The following ATRX variants were observed in gnomAD, a reference collection of about 807,000 sequenced individuals.
The protein encoded by ATRX is chromatin remodeler ATRX.
ATRX carries 12 observed loss-of-function variants against 172.6 expected under a neutral mutation model. That is an observed-to-expected ratio of 0.07 (90% CI 0.04 to 0.11). The LOEUF is 0.11. Among genes scored for constraint, ATRX ranks in the 10% least tolerant of loss-of-function variants. ATRX has a pLI of 1.00. For synonymous variants in ATRX, 674 were observed against 594.7 expected (o/e 1.13, Z -1.94); for missense variants, 1,368 against 1,767.4 (o/e 0.77, Z 4.05).
intron 9 of ATRX, among the ~76,000 whole-genome samples, chrX:77,678,244 CAGAG>C (rs1189779799): frequency 2.4e-5 from 2 of 84,189 alleles, no homozygotes; most frequent in Admixed American, 1.4e-4. Flanking sequence ...AAGAGACAGA[CAGAG>C]AGAGAGAAGA....
At chrX:77,713,953 G>C (rs2073238341) in intron 2 of ATRX, among the ~76,000 whole-genome samples, 1 of 111,549 alleles carries the variant, frequency 9.0e-6, no homozygotes, top group Non-Finnish European at 1.9e-5. Flanking sequence ...GGAGATGAGA[G>C]GGAGAGGGAC....
intron 10 of ATRX, among the ~76,000 whole-genome samples, chrX:77,670,210 TA>T (rs2070482243): frequency 8.9e-6 from 1 of 111,964 alleles, no homozygotes; most frequent in African/African-American, 3.2e-5. Context: ...AAAATTTGCT[TA>T]AAAATTGGTT....
intron 1 of ATRX, among the ~76,000 whole-genome samples, chrX:77,738,627 A>G (rs2148837865): frequency 1.0e-5 from 1 of 100,064 alleles, no homozygotes; most frequent in African/African-American, 3.8e-5. Flanking sequence ...TCAGTGGCAC[A>G]ATCTCGTCTC....
chrX:77,764,847 A>G (rs1163756447), intron 1 of ATRX, among the ~76,000 whole-genome samples: 1 of 112,518 alleles, frequency 8.9e-6, no homozygotes, highest in Non-Finnish European at 1.9e-5. Flanking sequence ...AAGAACAGAT[A>G]CAAGCTACTT....
At position 77,682,796 on chromosome X, in the gene ATRX, T is replaced by C. The variant is rs1557139617; in HGVS notation, c.2460A>G (p.Glu820=). ...TQSESSNYDS[E]LEKEIKSMSK... ...TCATGCTCTTTATCTCTTTTTCTAA[T>C]TCTGAGTCATAATTAGAAGACTCAG... Residue 820 remains glutamate, a synonymous_variant, in exon 9 of 35, where the codon GAA becomes GAG. Coordinates refer to ENST00000373344, the MANE Select transcript of ATRX (RefSeq NM_000489.6). The C allele has an allele frequency of 8.3e-7, 1 of 1,210,672 alleles. No individual in the cohort carries two copies. Among genetic ancestry groups the C allele is most frequent in the East Asian group, 3.0e-5 (1 of 33,827 alleles).
chrX:77,620,486 T>C lies in ATRX; in HGVS notation c.5181A>G (p.Glu1727=). ...VCDEGHILKN[E]ASAVSKAMNS... The stretch of plus-strand genomic sequence containing the variant: ...TCATAGCTTTAGAAACAGCAGATGC[T>C]TCATTTTTTAGAATATGGCCTTCAT... Residue 1727 remains glutamate, a synonymous_variant, in exon 20 of 35, where the codon GAA becomes GAG. Transcript: ENST00000373344. The C allele has an allele frequency of 8.3e-7, 1 of 1,208,591 alleles. No individual in the cohort carries two copies. The highest frequency in any genetic ancestry group is 1.1e-6 in the Non-Finnish European group (1 of 892,930).
intron 30 of ATRX, among the ~76,000 whole-genome samples, chrX:77,546,276 A>G (rs1049123135): frequency 9.0e-6 from 1 of 111,590 alleles, no homozygotes; most frequent in Admixed American, 9.6e-5. Context: ...TAATGCTAGT[A>G]AAATCCTTAG....
At position 77,631,571 on chromosome X, in the gene ATRX, A is replaced by G. The variant is rs188234389; in HGVS notation, c.5134+1636T>C. On this transcript the variant is annotated intron_variant, in intron 19 of 34. Transcript: ENST00000373344. Reference sequence around the variant, plus strand: ...CCCCCGATATGAGATATGATGTGACAAAAAGGGTATGTCACCTCTGGTATA... The same window carrying G: ...CCCCCGATATGAGATATGATGTGACGAAAAGGGTATGTCACCTCTGGTATA... Among the ~76,000 whole-genome samples the G allele has an allele frequency of 1.2e-4, 14 of 112,007 alleles. No individual in the cohort carries two copies. The East Asian group carries it at 3.9e-3, about 32-fold the overall frequency.
chrX:77,774,173 G>T (rs999537304), intron 1 of ATRX, among the ~76,000 whole-genome samples: 1 of 109,172 alleles, frequency 9.2e-6, no homozygotes, highest in Admixed American at 9.9e-5. Context: ...AGTGAGCCAA[G>T]ACTATGCCAT....
chrX:77,708,371 G>A (rs1335120839), intron 2 of ATRX, among the ~76,000 whole-genome samples: 1 of 112,372 alleles, frequency 8.9e-6, no homozygotes, highest in African/African-American at 3.2e-5. Flanking sequence ...GTCCAAAATA[G>A]GGAAATAGGC....
intron 19 of ATRX, among the ~76,000 whole-genome samples, chrX:77,629,330 A>G (rs1219488908): frequency 8.9e-6 from 1 of 112,679 alleles, no homozygotes; most frequent in Non-Finnish European, 1.9e-5. Flanking sequence ...GTTATACTGA[A>G]CAGATCCCTT....
intron 1 of ATRX, among the ~76,000 whole-genome samples, chrX:77,773,289 T>G (rs1363828912): frequency 3.6e-5 from 4 of 109,901 alleles, no homozygotes; most frequent in South Asian, 7.7e-4. Flanking sequence ...AAATTCATAA[T>G]CGGGGTGGTT....
intron 10 of ATRX, among the ~76,000 whole-genome samples, chrX:77,672,166 T>A (rs1312715878): frequency 9.0e-6 from 1 of 110,947 alleles, no homozygotes; most frequent in Non-Finnish European, 1.9e-5. Flanking sequence ...GCCACCTTTG[T>A]TTTTCAAGTA....
intron 21 of ATRX, among the ~76,000 whole-genome samples, chrX:77,618,232 A>G (rs2067438053): frequency 8.9e-6 from 1 of 111,947 alleles, no homozygotes; most frequent in South Asian, 3.8e-4. Flanking sequence ...GAAAGTGCGT[A>G]TCTTGAGATC....
chrX:77,654,062 G>A (rs1326992325), intron 14 of ATRX, 36 bp downstream of exon 14: 6 of 1,094,024 alleles, frequency 5.5e-6, no homozygotes, highest in Non-Finnish European at 7.6e-6. Flanking sequence ...TACTGTACTG[G>A]TTATAATTCA....
chrX:77,563,453 A>G (rs899855477), intron 28 of ATRX, among the ~76,000 whole-genome samples: 3 of 112,144 alleles, frequency 2.7e-5, no homozygotes, highest in Non-Finnish European at 5.6e-5. Context: ...TTGGCCATTC[A>G]GATATCGTCT....
At chrX:77,573,381 C>A (rs781842804) in intron 28 of ATRX, among the ~76,000 whole-genome samples, 17 of 111,510 alleles carry the variant, frequency 1.5e-4, no homozygotes. Flanking sequence ...CCTAATGATG[C>A]ATTTCTCAGA....
intron 29 of ATRX, among the ~76,000 whole-genome samples, chrX:77,557,878 T>G (rs1006409542): frequency 8.9e-6 from 1 of 111,803 alleles, no homozygotes; most frequent in African/African-American, 3.2e-5. Context: ...CTATATTAAC[T>G]GACCAAAATG....
chrX:77,753,166 G>A (rs781925094), intron 1 of ATRX, among the ~76,000 whole-genome samples: 14 of 111,023 alleles, frequency 1.3e-4, no homozygotes, highest in Non-Finnish European at 2.5e-4. Flanking sequence ...GTCTATTCAG[G>A]GAGTCAACTT....
Sources: gnomAD v4.1 joint callset for allele counts (sites outside exome capture counted in the v4.1 genomes callset) on GRCh38, gnomAD v4.1.1 for gene constraint, MANE v1.5 for transcripts, NCBI Gene and HGNC (gene_info 2026-07-23, HGNC 2026-07-21) for gene names.